The following MRTFA variants were observed in gnomAD, a reference collection of about 807,000 sequenced individuals.
MRTFA encodes the protein myocardin related transcription factor A.
A neutral mutation model predicts 83.5 loss-of-function variants in MRTFA; 20 were observed. The observed-to-expected ratio is 0.24, with a 90% CI of 0.17 to 0.35. The LOEUF is 0.35. Among genes scored for constraint, MRTFA ranks in the 10% least tolerant of loss-of-function variants. The pLI is 1.00. For missense variants in MRTFA, 1,200 were observed against 1,224.7 expected (o/e 0.98, Z 0.30); for synonymous variants, 659 against 541.2 (o/e 1.22, Z -3.02).
intron 1 of MRTFA, among the ~76,000 whole-genome samples, chr22:40,605,408 C>T (rs1246806253): frequency 6.6e-6 from 1 of 152,156 alleles, no homozygotes; most frequent in Non-Finnish European, 1.5e-5. Context: ...TGAAGACCAA[C>T]GGATGACAGT....
At chr22:40,590,253 T>C (rs912613759) in intron 2 of MRTFA, among the ~76,000 whole-genome samples, 1 of 152,148 alleles carries the variant, frequency 6.6e-6, no homozygotes, top group African/African-American at 2.4e-5. Context: ...GTATAGATTA[T>C]GTATCACTAA....
chr22:40,516,854 A>G (rs1214779022), intron 3 of MRTFA, among the ~76,000 whole-genome samples: 2 of 152,290 alleles, frequency 1.3e-5, no homozygotes, highest in South Asian at 4.1e-4. Flanking sequence ...TTAAATGTCA[A>G]ATTTATTTTT....
At chr22:40,570,180 T>G (rs2015889455) in intron 2 of MRTFA, among the ~76,000 whole-genome samples, 1 of 152,154 alleles carries the variant, frequency 6.6e-6, no homozygotes, top group Non-Finnish European at 1.5e-5. Flanking sequence ...GAAGGAAGAC[T>G]ATGTTTTCCA....
chr22:40,454,881 C>T (rs1205529718), intron 4 of MRTFA, among the ~76,000 whole-genome samples: 3 of 152,194 alleles, frequency 2.0e-5, no homozygotes, highest in Non-Finnish European at 4.4e-5. Context: ...GCAACCTTGA[C>T]CTTCTGGGTT....
At chr22:40,481,099 C>A (rs1284387347) in intron 3 of MRTFA, among the ~76,000 whole-genome samples, 3 of 152,012 alleles carry the variant, frequency 2.0e-5, no homozygotes, top group South Asian at 2.1e-4. Flanking sequence ...CAGGGTGAGA[C>A]CCTGTCTCAA....
intron 3 of MRTFA, among the ~76,000 whole-genome samples, chr22:40,466,181 A>C (rs118154759): frequency 4.1e-4 from 63 of 152,322 alleles, no homozygotes; most frequent in Non-Finnish European, 6.9e-4. Context: ...TTACTCTAGG[A>C]AGTTGATTTC....
intron 1 of MRTFA, among the ~76,000 whole-genome samples, chr22:40,634,673 G>A (rs1051043348): frequency 2.6e-5 from 4 of 152,122 alleles, no homozygotes; most frequent in Non-Finnish European, 5.9e-5. Context: ...CACCTGGCAC[G>A]TTACAAACAT....
At chr22:40,573,911 G>A (rs1205714636) in intron 2 of MRTFA, among the ~76,000 whole-genome samples, 1 of 151,888 alleles carries the variant, frequency 6.6e-6, no homozygotes, top group Non-Finnish European at 1.5e-5. Context: ...ACTGCATCAA[G>A]GATATTTTTA....
At chr22:40,633,001 G>T (rs2056657326) in intron 1 of MRTFA, among the ~76,000 whole-genome samples, 1 of 152,036 alleles carries the variant, frequency 6.6e-6, no homozygotes. Context: ...GTGTCAGTGG[G>T]TCATTCTCTT....
intron 3 of MRTFA, among the ~76,000 whole-genome samples, chr22:40,473,713 C>T (rs958000349): frequency 2.0e-5 from 3 of 152,190 alleles, no homozygotes; most frequent in African/African-American, 7.2e-5. Flanking sequence ...TTAAGTGAAG[C>T]TCAGCATGCA....
chr22:40,567,418 C>G (rs956089249), intron 2 of MRTFA, among the ~76,000 whole-genome samples: 1 of 152,136 alleles, frequency 6.6e-6, no homozygotes, highest in Admixed American at 6.6e-5. Context: ...GAAGTCCACA[C>G]GCTACGTATA....
At chr22:40,500,435 TCA>T (rs2147220942) in intron 3 of MRTFA, among the ~76,000 whole-genome samples, 1 of 149,116 alleles carries the variant, frequency 6.7e-6, no homozygotes, top group African/African-American at 2.5e-5. Flanking sequence ...TGGGTGTTTC[TCA>T]CAGAGGGGGA....
intron 3 of MRTFA, among the ~76,000 whole-genome samples, chr22:40,480,454 T>C (rs2054069403): frequency 6.6e-6 from 1 of 152,070 alleles, no homozygotes; most frequent in South Asian, 2.1e-4. Context: ...GATAGTGTTA[T>C]CAGCATGACA....
intron 4 of MRTFA, among the ~76,000 whole-genome samples, chr22:40,460,979 GC>G (rs893227437): frequency 1.3e-5 from 2 of 151,220 alleles, no homozygotes; most frequent in African/African-American, 4.9e-5. Context: ...CAGGAGGACC[GC>G]TTGAGCCCAG....
chr22:40,429,474 T>C (rs186054151), intron 7 of MRTFA, 132 bp downstream of exon 7: 497 of 1,060,814 alleles, frequency 4.7e-4, no homozygotes, highest in Non-Finnish European at 5.8e-4. Flanking sequence ...TGTGCCTTGG[T>C]TCTCCCAAGG....
At chr22:40,432,522 C>CTATA (rs1569261685) in intron 5 of MRTFA, among the ~76,000 whole-genome samples, 1 of 152,056 alleles carries the variant, frequency 6.6e-6, no homozygotes, top group African/African-American at 2.4e-5. Context: ...GGACCTGACT[C>CTATA]TATAGAGTCT....
intron 3 of MRTFA, among the ~76,000 whole-genome samples, chr22:40,470,276 T>TATATATATAA (rs1164339704): frequency 1.0e-5 from 1 of 99,290 alleles, no homozygotes; most frequent in African/African-American, 3.7e-5. Context: ...TATATATATA[T>TATATATATAA]ATATAAAGAA....
At chr22:40,458,637 C>A (rs976648777) in intron 4 of MRTFA, among the ~76,000 whole-genome samples, 1 of 151,988 alleles carries the variant, frequency 6.6e-6, no homozygotes, top group African/African-American at 2.4e-5. Flanking sequence ...CAGCAAAATT[C>A]AAAGGAGAAG....
intron 2 of MRTFA, among the ~76,000 whole-genome samples, chr22:40,571,952 G>C (rs1051211509): frequency 6.2e-5 from 9 of 144,364 alleles, no homozygotes; most frequent in African/African-American, 2.3e-4. Context: ...AAAAAGAAGA[G>C]GGACAATAAG....
Sources: gnomAD v4.1 joint callset for allele counts (sites outside exome capture counted in the v4.1 genomes callset) on GRCh38, gnomAD v4.1.1 for gene constraint, MANE v1.5 for transcripts, NCBI Gene and HGNC (gene_info 2026-07-23, HGNC 2026-07-21) for gene names.